MAPT: variants seen among roughly 807,000 people sequenced by gnomAD.
The protein encoded by MAPT is microtubule associated protein tau, also known as microtubule-associated protein tau.
In MAPT, 34 loss-of-function variants were observed where a neutral mutation model predicts 67.9. The observed-to-expected ratio is 0.50, with a 90% CI of 0.38 to 0.67. The LOEUF (loss-of-function observed/expected upper bound fraction) is 0.67, where lower values mean the gene tolerates loss of function less well. Among genes scored for constraint, MAPT ranks in the 30% least tolerant of loss-of-function variants. The pLI, the probability that MAPT is intolerant of heterozygous loss-of-function variation, is 0.00. For synonymous variants in MAPT, 456 were observed against 464.5 expected, an observed-to-expected ratio of 0.98 and a Z score of 0.23; for missense variants, 881 against 1,115.2, an observed-to-expected ratio of 0.79 and a Z score of 2.99.
intron 1 of MAPT, among the ~76,000 whole-genome samples, chr17:45,941,322 TG>T (rs2067830626): frequency 6.6e-6 from 1 of 152,150 alleles, no homozygotes; most frequent in Non-Finnish European, 1.5e-5. Context: ...TAGTCTTCCT[TG>T]ATGATTTTGA....
Position 46,026,177 on chromosome 17 carries a change from C to A in MAPT, c.*2006C>A, listed in dbSNP as rs2076799994. On this transcript the variant is annotated 3_prime_UTR_variant, in exon 13 of 13. Coordinates refer to ENST00000262410, the MANE Select transcript of MAPT (RefSeq NM_001377265.1). Reference sequence around the variant, plus strand: ...CCTCACGAGGTGTCTCTCACCCCCACACTGGGACTCGTGTGGCCTGTGTGG... The same window carrying A: ...CCTCACGAGGTGTCTCTCACCCCCAAACTGGGACTCGTGTGGCCTGTGTGG... The A allele has an allele frequency of 6.6e-6, 1 of 152,530 alleles. No individual in the cohort carries two copies. Among genetic ancestry groups the A allele is most frequent in the South Asian group, 2.1e-4 (1 of 4,822 alleles). 9.4% of individuals were successfully genotyped at this position (152,530 alleles called of 1,614,324 possible). A position where few individuals can be genotyped will look rare whatever the true frequency, so the allele number is the denominator to read the frequency against.
chr17:45,901,424 T>A (rs1159570622), intron 1 of MAPT, among the ~76,000 whole-genome samples: 1 of 152,234 alleles, frequency 6.6e-6, no homozygotes, highest in African/African-American at 2.4e-5. Flanking sequence ...ACAAATGAAG[T>A]AATTCAACAG....
At chr17:45,994,474 T>TA (rs1466631632) in intron 8 of MAPT, among the ~76,000 whole-genome samples, 1 of 151,858 alleles carries the variant, frequency 6.6e-6, no homozygotes, top group Admixed American at 6.6e-5. Flanking sequence ...ATGTGGAAAA[T>TA]AAGAGGCTTC....
intron 1 of MAPT, among the ~76,000 whole-genome samples, chr17:45,954,984 C>T (rs984957654): frequency 2.7e-5 from 4 of 149,970 alleles, no homozygotes; most frequent in African/African-American, 1.0e-4. Flanking sequence ...GACTCCGTCT[C>T]AAAAACAAAA....
At chr17:45,911,669 C>T (rs1272732112) in intron 1 of MAPT, among the ~76,000 whole-genome samples, 1 of 152,086 alleles carries the variant, frequency 6.6e-6, no homozygotes, top group Non-Finnish European at 1.5e-5. Flanking sequence ...GAGGCTGAGG[C>T]AGGAGGATCA....
At chr17:45,974,319 A>G (rs962514135) in intron 3 of MAPT, 38 of 1,177,824 alleles carry the variant, frequency 3.2e-5, no homozygotes, top group Non-Finnish European at 6.2e-6. Flanking sequence ...CTGCGCAAGA[A>G]GCAAAGGTGA....
rs1294223778 is a variant in MAPT, at chr17:45,983,158, C to T, written c.579C>T (p.Thr193=). Residue 193 remains threonine (T), a synonymous_variant, in exon 5 of 13, where the codon ACC becomes ACT. Transcript: ENST00000262410. ...GTCCGGCCTTTCCGAAGCCCGCCAC[C>T]ACTGCGTATCTCCACACAGAGCCTG... ...EKGPAFPKPA[T]TAYLHTEPES... is the part of the protein sequence containing the mutation. 6.2e-7 allele frequency: 1 copy of T among 1,603,680 alleles called. No individual in the cohort carries two copies. The highest frequency in any genetic ancestry group is 8.5e-7 in the Non-Finnish European group (1 of 1,175,206).
chr17:45,917,859 C>T (rs1168160793), intron 1 of MAPT, among the ~76,000 whole-genome samples: 2 of 151,990 alleles, frequency 1.3e-5, no homozygotes, highest in Admixed American at 6.6e-5. Context: ...CTGCAACCTC[C>T]GCCTCCCGGG....
rs1032161092 is a variant in MAPT at position 45,971,674 on chromosome 17, T to C, written c.134-185T>C. The stretch of plus-strand genomic sequence containing the variant: ...CTGATGGCCCTGGTGTGGGGCACAG[T>C]CGTGTTGGCAGGGAGGGAGGTGGGG... On this transcript the variant is annotated intron_variant, in intron 2 of 12. Transcript: ENST00000262410. The surrounding 1 kb of genome is among the most constrained non-coding windows in gnomAD (Gnocchi z 4.3). 6.6e-6 allele frequency among the ~76,000 whole-genome samples: 1 copy of C among 152,106 alleles called. No homozygotes were observed. The highest frequency in any genetic ancestry group is 2.4e-5 in the African/African-American group (1 of 41,410).
intron 1 of MAPT, among the ~76,000 whole-genome samples, chr17:45,909,145 G>A (rs887303810): frequency 6.6e-6 from 1 of 152,058 alleles, no homozygotes; most frequent in Non-Finnish European, 1.5e-5. Context: ...TCTCTCTGTC[G>A]CCATTGGGCA....
chr17:45,900,690 C>T (rs1464246616), intron 1 of MAPT, among the ~76,000 whole-genome samples: 1 of 152,188 alleles, frequency 6.6e-6, no homozygotes, highest in African/African-American at 2.4e-5. Context: ...CAGTGTTCTG[C>T]ATGTGGAGGC....
At chr17:45,916,387 C>G (rs144067063) in intron 1 of MAPT, among the ~76,000 whole-genome samples, 4 of 152,180 alleles carry the variant, frequency 2.6e-5, no homozygotes, top group South Asian at 4.1e-4. Context: ...AAGGATCACT[C>G]TGCTTGCAGA....
chr17:45,904,077 T>C (rs1285341970), intron 1 of MAPT, among the ~76,000 whole-genome samples: 1 of 40,416 alleles, frequency 2.5e-5, no homozygotes, highest in Non-Finnish European at 4.1e-5. Flanking sequence ...TATATATTTA[T>C]ATATTATATA....
intron 1 of MAPT, among the ~76,000 whole-genome samples, chr17:45,943,744 C>T (rs531503369): frequency 5.3e-5 from 8 of 152,334 alleles, no homozygotes; most frequent in African/African-American, 1.2e-4. Context: ...TCTGTCCCCC[C>T]AGATCGCCTT....
rs2076720396 is a variant in MAPT at position 46,024,456 on chromosome 17, A to C, written c.*285A>C. On this transcript the variant is annotated 3_prime_UTR_variant, in exon 13 of 13. Coordinates refer to ENST00000262410, the MANE Select transcript of MAPT (RefSeq NM_001377265.1). ...ACATGGCCACATCCAACATTTCCTC[A>C]GGCAATTCCTTTTGATTCTTTTTTC... 2 of 528,842 alleles carry C rather than the reference A, an allele frequency of 3.8e-6. No individual in the cohort carries two copies. Among genetic ancestry groups the C allele is most frequent in the South Asian group, 4.3e-5 (2 of 47,048 alleles). The allele number at this position is 528,842 out of a possible 1,614,324, so 32.8% of individuals were successfully genotyped here.
At chr17:45,940,492 A>C (rs912126766) in intron 1 of MAPT, among the ~76,000 whole-genome samples, 1 of 152,216 alleles carries the variant, frequency 6.6e-6, no homozygotes, top group Non-Finnish European at 1.5e-5. Flanking sequence ...TAAGCACTCA[A>C]ATGATGTCAT....
At chr17:45,935,994 T>C (rs914659841) in intron 1 of MAPT, among the ~76,000 whole-genome samples, 4 of 152,182 alleles carry the variant, frequency 2.6e-5, no homozygotes, top group African/African-American at 9.7e-5. Context: ...TGTACCTCTT[T>C]GTCTCCACTC....
intron 1 of MAPT, among the ~76,000 whole-genome samples, chr17:45,944,675 C>G (rs868766457): frequency 6.6e-6 from 1 of 152,204 alleles, no homozygotes; most frequent in Non-Finnish European, 1.5e-5. Context: ...ATTCAGAAAC[C>G]AAAGCCTAGG....
rs1248117435 is a variant in MAPT, at chr17:45,991,574, C to A, written c.1720C>A (p.Pro574Thr). Residue 574 changes from proline (P) to threonine (T), a missense_variant, in exon 8 of 13, where the codon CCA becomes ACA. Pro to Thr is a conservative substitution (Grantham distance 38). This residue lies in a region of MAPT where 687 missense variants were observed against 766.1 expected (regional missense o/e 0.90). Coordinates refer to ENST00000262410, the MANE Select transcript of MAPT (RefSeq NM_001377265.1). The stretch of plus-strand genomic sequence containing the variant: ...AAAAACCCCGCCCGCTCCAAAGACA[C>A]CACCCAGCTCTGGTAAGAAGAACGT... Reference protein sequence around the residue: ...PAKTPPAPKTPPSSGEPPKSG... With the variant: ...PAKTPPAPKTTPSSGEPPKSG... 1.9e-6 allele frequency: 3 copies of A among 1,614,132 alleles called. No individual in the cohort carries two copies.
Sources: gnomAD v4.1 joint callset for allele counts (sites outside exome capture counted in the v4.1 genomes callset) on GRCh38, gnomAD v4.1.1 for gene constraint, gnomAD v4.1.1 regional missense constraint, Gnocchi (gnomAD v3.1) non-coding constraint, MANE v1.5 for transcripts, NCBI Gene and HGNC (gene_info 2026-07-23, HGNC 2026-07-21) for gene names.